Variants in FNBP1 observed in about 807,000 individuals in gnomAD.
FNBP1 encodes the protein formin binding protein 1.
Under a neutral mutation model 90.6 loss-of-function variants are expected in FNBP1, and 26 were observed. That is an observed-to-expected ratio of 0.29 (90% CI 0.21 to 0.40). FNBP1 has a LOEUF of 0.40. Ranked by LOEUF, FNBP1 falls within the 10% of genes least tolerant of loss-of-function variation. FNBP1 has a pLI of 1.00. For synonymous variants in FNBP1, 260 were observed against 265.2 expected (o/e 0.98, Z 0.19); for missense variants, 635 against 768.0 (o/e 0.83, Z 2.05).
In FNBP1 at chr9:130,042,765, C is replaced by A. The variant is rs1439009841; in HGVS notation, c.24+187G>T. Among the ~76,000 whole-genome samples the A allele has an allele frequency of 6.6e-6, 1 of 151,828 alleles. No individual in the cohort carries two copies. The highest frequency in any genetic ancestry group is 2.4e-5 in the African/African-American group (1 of 41,406). ...CCCTCGCCTCCGAAGGACAAGCCGG[C>A]CCGCACCTCCTGCTCGGGCCAAGGC... is the stretch of plus-strand genomic sequence containing the variant. On this transcript the variant is annotated intron_variant, in intron 1 of 16. Coordinates refer to ENST00000446176, the MANE Select transcript of FNBP1 (RefSeq NM_015033.3). This position sits in a 1 kb window ranked among gnomAD's most constrained non-coding sequence, Gnocchi z 5.5.
chr9:129,977,627 G>C (rs1252525797), intron 4 of FNBP1, among the ~76,000 whole-genome samples: 1 of 151,838 alleles, frequency 6.6e-6, no homozygotes, highest in Non-Finnish European at 1.5e-5. Flanking sequence ...AAGTAGCTGG[G>C]GTTATGGGTA....
intron 4 of FNBP1, among the ~76,000 whole-genome samples, chr9:129,974,247 C>T (rs1221118349): frequency 3.9e-5 from 6 of 152,236 alleles, no homozygotes; most frequent in South Asian, 2.1e-4. Context: ...CGCACTGCCC[C>T]GAGAGGGAAG....
chr9:129,987,231 TC>T (rs1239102936), intron 2 of FNBP1, among the ~76,000 whole-genome samples: 1 of 151,938 alleles, frequency 6.6e-6, no homozygotes, highest in Admixed American at 6.6e-5. Context: ...AGGGAACACG[TC>T]CCAAGCTCTA....
the FNBP1 span, among the ~76,000 whole-genome samples, chr9:130,051,202 A>G: frequency 2.0e-5 from 3 of 151,748 alleles, no homozygotes; most frequent in Non-Finnish European, 4.4e-5. Flanking sequence ...CCCCTGGCCT[A>G]ATTTTTGTAT....
rs1468444617 is a variant in FNBP1, at chr9:129,892,407, ACACACAC to A, written c.1847-1868_1847-1862del. On this transcript the variant is annotated intron_variant, in intron 16 of 16. Coordinates refer to ENST00000446176, the MANE Select transcript of FNBP1 (RefSeq NM_015033.3). Reference sequence around the variant, plus strand: ...CACACACACACACACACACACACACACACACACACAAAAAGGTTGACCGGCATTATAA... The same window carrying A: ...CACACACACACACACACACACACACAACAAAAAGGTTGACCGGCATTATAA... Among the ~76,000 whole-genome samples the A allele has an allele frequency of 4.3e-3, 634 of 147,768 alleles. 9 individuals carry two copies. Among genetic ancestry groups the A allele is most frequent in the African/African-American group, 0.012 (462 of 40,078 alleles).
intron 6 of FNBP1, among the ~76,000 whole-genome samples, chr9:129,949,128 A>G (rs905762434): frequency 7.9e-5 from 12 of 152,240 alleles, no homozygotes; most frequent in African/African-American, 2.9e-4. Context: ...AGGATGACCT[A>G]TCCCAACATG....
chr9:130,044,305 C>G (rs528890525), upstream of FNBP1, among the ~76,000 whole-genome samples: 7 of 152,234 alleles, frequency 4.6e-5, no homozygotes, highest in Non-Finnish European at 8.8e-5. Flanking sequence ...CCATTTTCAA[C>G]CTGCTTATCA....
intron 1 of FNBP1, among the ~76,000 whole-genome samples, chr9:130,036,678 G>A (rs2059342223): frequency 6.6e-6 from 1 of 152,154 alleles, no homozygotes; most frequent in African/African-American, 2.4e-5. Flanking sequence ...TACCCACCAT[G>A]GTTCAGGGAG....
intron 10 of FNBP1, among the ~76,000 whole-genome samples, chr9:129,923,243 T>G (rs1353397667): frequency 6.6e-6 from 1 of 151,820 alleles, no homozygotes; most frequent in Non-Finnish European, 1.5e-5. Context: ...CTTGGATGCT[T>G]TAAAGAGGAA....
chr9:130,008,085 A>T (rs2056056488), intron 1 of FNBP1, among the ~76,000 whole-genome samples: 1 of 150,370 alleles, frequency 6.7e-6, no homozygotes, highest in African/African-American at 2.4e-5. Context: ...TGGCTCAATG[A>T]CTATAATCCC....
chr9:129,941,724 C>CA (rs979965666), intron 6 of FNBP1, among the ~76,000 whole-genome samples: 14 of 152,134 alleles, frequency 9.2e-5, no homozygotes, highest in Admixed American at 2.6e-4. Context: ...CTTGGCCTCC[C>CA]AAAGTGTTGG....
At chr9:129,894,550 A>C (rs1418759941) in intron 16 of FNBP1, among the ~76,000 whole-genome samples, 1 of 152,238 alleles carries the variant, frequency 6.6e-6, no homozygotes, top group Admixed American at 6.5e-5. Context: ...TTTGAACAGC[A>C]ATGTGCTGAG....
intron 1 of FNBP1, among the ~76,000 whole-genome samples, chr9:130,020,614 G>A (rs943875230): frequency 1.3e-5 from 2 of 151,966 alleles, no homozygotes; most frequent in Non-Finnish European, 2.9e-5. Flanking sequence ...AAACTACTTC[G>A]CATCAACATA....
intron 4 of FNBP1, among the ~76,000 whole-genome samples, chr9:129,961,403 TA>T (rs2047798458): frequency 6.6e-6 from 1 of 152,094 alleles, no homozygotes; most frequent in African/African-American, 2.4e-5. Context: ...CGGTCTGTAC[TA>T]AAGACCAGTT....
chr9:130,043,343 T>C (rs529713939), upstream of FNBP1: 246 of 179,650 alleles, frequency 1.4e-3, 1 homozygote, highest in African/African-American at 5.7e-3. Context: ...CGCGTCGCCC[T>C]GGGGTCCGGA....
At chr9:130,045,073 G>A (rs2060051208), upstream of FNBP1, 1 of 151,978 alleles carries the variant, frequency 6.6e-6, no homozygotes, top group African/African-American at 2.4e-5. Flanking sequence ...AATTTAAGTT[G>A]TCAAAACTGT....
chr9:129,964,576 T>C (rs2048294433), intron 4 of FNBP1, among the ~76,000 whole-genome samples: 1 of 149,256 alleles, frequency 6.7e-6, no homozygotes, highest in Non-Finnish European at 1.5e-5. Context: ...AATTTCCCAG[T>C]GAACAGAGGT....
chr9:129,934,055 T>C (rs2043111536), intron 6 of FNBP1, among the ~76,000 whole-genome samples: 1 of 152,210 alleles, frequency 6.6e-6, no homozygotes, highest in Non-Finnish European at 1.5e-5. Flanking sequence ...ATATCTTGTA[T>C]TTTGGAGAAC....
In FNBP1 at chr9:129,966,527, G is replaced by A. The variant is rs1169887549; in HGVS notation, c.346-7974C>T. Among the ~76,000 whole-genome samples the A allele has an allele frequency of 6.6e-6, 1 of 152,020 alleles. No individual in the cohort carries two copies. The highest frequency in any genetic ancestry group is 1.5e-5 in the Non-Finnish European group (1 of 68,010). ...GCGGATCATTTGAGGTCAGGAGTTCGAGACCAGCCTGGCCAACATGATGAA... is the reference window on the plus strand; with the variant it reads ...GCGGATCATTTGAGGTCAGGAGTTCAAGACCAGCCTGGCCAACATGATGAA... On this transcript the variant is annotated intron_variant, in intron 4 of 16. Coordinates refer to ENST00000446176, the MANE Select transcript of FNBP1 (RefSeq NM_015033.3). The surrounding 1 kb of genome is among the most constrained non-coding windows in gnomAD (Gnocchi z 4.3).
Sources: allele counts gnomAD v4.1 joint callset (sites outside exome capture counted in the v4.1 genomes callset), GRCh38; gene constraint gnomAD v4.1.1; non-coding constraint Gnocchi (gnomAD v3.1); transcripts MANE v1.5; gene names NCBI Gene and HGNC (gene_info 2026-07-23, HGNC 2026-07-21).